STK32B: variants seen among roughly 807,000 people sequenced by gnomAD.
The protein encoded by STK32B is serine/threonine kinase 32B, also known as serine/threonine-protein kinase 32B.
A neutral mutation model predicts 52.6 loss-of-function variants in STK32B; 43 were observed. That is an observed-to-expected ratio of 0.82 (90% CI 0.64 to 1.05). The LOEUF is 1.05. Among genes scored for constraint, STK32B ranks in the 50% least tolerant of loss-of-function variants. The pLI is 0.00. For synonymous variants in STK32B, 238 were observed against 204.3 expected, an observed-to-expected ratio of 1.17 and a Z score of -1.41; for missense variants, 621 against 534.6, an observed-to-expected ratio of 1.16 and a Z score of -1.59.
intron 4 of STK32B, among the ~76,000 whole-genome samples, chr4:5,357,874 A>G (rs1472141173): frequency 1.3e-5 from 2 of 152,240 alleles, no homozygotes; most frequent in African/African-American, 4.8e-5. Context: ...GCCAATTGTC[A>G]TCTGGTTAAA....
chr4:5,142,255 C>G (rs539150150), intron 2 of STK32B, among the ~76,000 whole-genome samples: 2 of 152,182 alleles, frequency 1.3e-5, no homozygotes, highest in African/African-American at 4.8e-5. Flanking sequence ...ATTCAATGGT[C>G]AACTCTATTC....
In STK32B at chr4:5,399,606, A is replaced by G. The variant is rs1253189826; in HGVS notation, c.472+1362A>G. Among the ~76,000 whole-genome samples, 1 of 152,124 alleles carries G rather than the reference A, an allele frequency of 6.6e-6. No individual in the cohort carries two copies. The highest frequency in any genetic ancestry group is 1.5e-5 in the Non-Finnish European group (1 of 68,024). On this transcript the variant is annotated intron_variant, in intron 5 of 11. Transcript: ENST00000282908. This position sits in a 1 kb window ranked among gnomAD's most constrained non-coding sequence, Gnocchi z 5.4. ...CAAGGCTGGAAAGGAAGCGAAAGCA[A>G]CGTCTCCAGTTTGTATCTAAAAGTC...
chr4:5,176,101 ATG>A (rs1450405971), intron 3 of STK32B, among the ~76,000 whole-genome samples: 2 of 152,204 alleles, frequency 1.3e-5, no homozygotes, highest in Admixed American at 1.3e-4. Context: ...CCTCTGAGCC[ATG>A]TGCGGGATAT....
At chr4:5,251,328 T>C (rs983945940) in intron 3 of STK32B, among the ~76,000 whole-genome samples, 1 of 152,228 alleles carries the variant, frequency 6.6e-6, no homozygotes, top group Non-Finnish European at 1.5e-5. Context: ...CAGCACCATT[T>C]GTTGAATAGG....
chr4:5,291,106 G>C (rs1424429561), intron 3 of STK32B, among the ~76,000 whole-genome samples: 1 of 152,004 alleles, frequency 6.6e-6, no homozygotes, highest in Non-Finnish European at 1.5e-5. Context: ...ATTGTAATAA[G>C]TTTGAAAGTT....
At chr4:5,323,194 A>C (rs566329059) in intron 3 of STK32B, among the ~76,000 whole-genome samples, 1 of 152,308 alleles carries the variant, frequency 6.6e-6, no homozygotes, top group Admixed American at 6.5e-5. Flanking sequence ...ACAGTCAGTC[A>C]GAGAAACCCA....
intron 6 of STK32B, 136 bp from the exon 7 acceptor site, chr4:5,446,537 G>A (rs1715437407): frequency 1.5e-6 from 1 of 687,560 alleles, no homozygotes; most frequent in Non-Finnish European, 2.4e-6. Context: ...AGCCTGGGCA[G>A]CAGAGCAAAA....
At chr4:5,053,757 C>T (rs979760911) in intron 1 of STK32B, among the ~76,000 whole-genome samples, 2 of 151,888 alleles carry the variant, frequency 1.3e-5, no homozygotes, top group African/African-American at 2.4e-5. Flanking sequence ...CCGAGGTGGA[C>T]GGATCACCTG....
chr4:5,044,124 C>A, the STK32B span, among the ~76,000 whole-genome samples: 8 of 152,190 alleles, frequency 5.3e-5, no homozygotes, highest in African/African-American at 1.9e-4. Flanking sequence ...GGCAGTTGAT[C>A]CAGCTCTCTC....
intron 3 of STK32B, among the ~76,000 whole-genome samples, chr4:5,237,552 T>G (rs568209694): frequency 6.6e-6 from 1 of 152,282 alleles, no homozygotes; most frequent in South Asian, 2.1e-4. Flanking sequence ...TCTCTGAGTC[T>G]TGATCAGAAA....
intron 2 of STK32B, among the ~76,000 whole-genome samples, chr4:5,158,928 T>A (rs1718086905): frequency 6.6e-6 from 1 of 152,158 alleles, no homozygotes; most frequent in South Asian, 2.1e-4. Context: ...CATATGAATT[T>A]GGGGGACATA....
intron 3 of STK32B, among the ~76,000 whole-genome samples, chr4:5,198,850 C>A (rs1721901919): frequency 6.6e-6 from 1 of 152,138 alleles, no homozygotes; most frequent in Admixed American, 6.5e-5. Flanking sequence ...AATGGCAGTT[C>A]TTTGTGTCAG....
chr4:5,273,855 G>T (rs867442725), intron 3 of STK32B, among the ~76,000 whole-genome samples: 4 of 118,390 alleles, frequency 3.4e-5, no homozygotes, highest in East Asian at 3.1e-4. Context: ...GTGGGGGGAG[G>T]GGGGAGGGAT....
intron 1 of STK32B, among the ~76,000 whole-genome samples, chr4:5,052,567 C>G (rs757354246): frequency 1.3e-5 from 2 of 152,154 alleles, no homozygotes; most frequent in African/African-American, 4.8e-5. Flanking sequence ...CCTATTTGGA[C>G]TAGCAGAACC....
intron 4 of STK32B, among the ~76,000 whole-genome samples, chr4:5,381,343 A>T (rs1227540908): frequency 2.6e-5 from 4 of 152,180 alleles, no homozygotes; most frequent in Admixed American, 2.6e-4. Flanking sequence ...TTAATAAGAG[A>T]CAGAGCCAGG....
intron 11 of STK32B, among the ~76,000 whole-genome samples, chr4:5,496,311 G>T (rs1051460917): frequency 6.6e-6 from 1 of 152,190 alleles, no homozygotes; most frequent in African/African-American, 2.4e-5. Context: ...CCTCGCTGCC[G>T]CCTTGCAGTT....
intron 3 of STK32B, among the ~76,000 whole-genome samples, chr4:5,316,009 A>G (rs1377749922): frequency 2.0e-5 from 3 of 148,504 alleles, no homozygotes; most frequent in East Asian, 3.9e-4. Flanking sequence ...CTGGCCGAGT[A>G]TTTTATTTTT....
chr4:5,068,778 G>C (rs1220294221), intron 1 of STK32B, among the ~76,000 whole-genome samples: 3 of 152,142 alleles, frequency 2.0e-5, no homozygotes, highest in Non-Finnish European at 1.5e-5. Context: ...ATTGGAGCCA[G>C]ATTGTGACTA....
rs966764277 is a variant in STK32B, at chr4:5,148,209, A to G, written c.108+8249A>G. Among the ~76,000 whole-genome samples the G allele has an allele frequency of 4.6e-5, 7 of 151,738 alleles. 1 individual carries two copies. The highest frequency in any genetic ancestry group is 4.6e-4 in the Admixed American group (7 of 15,230). On this transcript the variant is annotated intron_variant, in intron 2 of 11. Transcript: ENST00000282908. ...AAGTAATTCATGATATTATCATAGG[A>G]TCTTCTTAATTTTTGTAGTGTCTGT...
Sources: allele counts gnomAD v4.1 joint callset (sites outside exome capture counted in the v4.1 genomes callset), GRCh38; gene constraint gnomAD v4.1.1; non-coding constraint Gnocchi (gnomAD v3.1); transcripts MANE v1.5; gene names NCBI Gene and HGNC (gene_info 2026-07-23, HGNC 2026-07-21).